The following PGAM1 variants were observed in gnomAD, a reference collection of about 807,000 sequenced individuals.
The protein encoded by PGAM1 is BPG-dependent PGAM 1.
PGAM1 carries 21 observed loss-of-function variants against 23.5 expected under a neutral mutation model. The ratio of observed to expected loss-of-function variants is 0.89; its 90% CI spans 0.63 to 1.29. PGAM1 has a LOEUF of 1.29. Ranked by LOEUF, PGAM1 falls within the 50% of genes most tolerant of loss-of-function variation. PGAM1 has a pLI of 0.00. For missense variants in PGAM1, 232 were observed against 336.3 expected (o/e 0.69, Z 2.42); for synonymous variants, 109 against 128.6 (o/e 0.85, Z 1.03).
chr10:97,426,756 G>A (rs987722053), intron 1 of PGAM1, among the ~76,000 whole-genome samples: 1 of 152,362 alleles, frequency 6.6e-6, no homozygotes, highest in Middle Eastern at 3.4e-3. Flanking sequence ...GGGACAGGCC[G>A]GGCGTGGTGG....
At position 97,432,569 on chromosome 10, in the gene PGAM1, C is replaced by T. The variant is rs781091486; in HGVS notation, c.*45C>T. ...TGTCCCCAGGAGCACCCTCCCTGCC[C>T]GTCTTGTCCCTCTGCCCCTCCCACC... On this transcript the variant is annotated 3_prime_UTR_variant, in exon 4 of 4. Coordinates refer to ENST00000334828, the MANE Select transcript of PGAM1 (RefSeq NM_002629.4). 3.7e-5 allele frequency: 41 copies of T among 1,110,828 alleles called. No individual in the cohort carries two copies. Among genetic ancestry groups the T allele is most frequent in the South Asian group, 1.9e-4 (15 of 76,944 alleles). 68.8% of individuals were successfully genotyped at this position (1,110,828 alleles called of 1,614,324 possible).
At chr10:97,432,334 G>T in intron 3 of PGAM1, 21 bp from the exon 4 acceptor site, 1 of 1,612,094 alleles carries the variant, frequency 6.2e-7, no homozygotes. Context: ...TTGTGTGGCT[G>T]ATGATGGTGG....
chr10:97,426,473 G>A (rs967129646), intron 1 of PGAM1, 27 bp downstream of exon 1: 2 of 1,557,336 alleles, frequency 1.3e-6, no homozygotes, highest in East Asian at 2.4e-5. Context: ...TGTGGGCTGC[G>A]AAGGGCCGGG....
At chr10:97,427,711 C>T in intron 1 of PGAM1, 1 of 1,242,788 alleles carries the variant, frequency 8.0e-7, no homozygotes, top group Non-Finnish European at 1.0e-6. Flanking sequence ...GGAAGCATTC[C>T]CTGCTGCCGG....
At chr10:97,427,819 T>C (rs1435760174) in intron 1 of PGAM1, 2 of 1,289,304 alleles carry the variant, frequency 1.6e-6, no homozygotes, top group Non-Finnish European at 2.0e-6. Flanking sequence ...GAAGCAGCCA[T>C]TCACAAGGGT....
At chr10:97,430,043 CA>C (rs71814636) in intron 1 of PGAM1, among the ~76,000 whole-genome samples, 4,820 of 69,768 alleles carry the variant, frequency 0.069, 83 homozygotes, top group African/African-American at 0.14. Flanking sequence ...GACTCCGTCT[CA>C]AAAAAAAAAA....
At chr10:97,430,242 C>A in intron 1 of PGAM1, 137 bp from the exon 2 acceptor site, 1 of 1,068,874 alleles carries the variant, frequency 9.4e-7, no homozygotes, top group Non-Finnish European at 1.4e-6. Context: ...CAAGGATAAA[C>A]AAAACAGTTG....
chr10:97,428,150 G>A (rs1379099294), intron 1 of PGAM1, among the ~76,000 whole-genome samples: 6 of 152,086 alleles, frequency 3.9e-5, no homozygotes, highest in African/African-American at 1.4e-4. Flanking sequence ...TAATCAAATA[G>A]TTAAACTTGT....
At chr10:97,426,576 A>C (rs1217955371) in intron 1 of PGAM1, 130 bp downstream of exon 1, 43 of 1,208,590 alleles carry the variant, frequency 3.6e-5, no homozygotes, top group Non-Finnish European at 4.8e-5. Context: ...TTTAGTGTGT[A>C]GTTGAGAAGA....
chr10:97,432,247 C>G, intron 3 of PGAM1, 108 bp from the exon 4 acceptor site: 1 of 1,445,502 alleles, frequency 6.9e-7, no homozygotes, highest in Non-Finnish European at 9.7e-7. Context: ...GAAAGGGTGT[C>G]TTATTTTAAT....
In PGAM1 at chr10:97,430,975, C is replaced by T; in HGVS notation, c.435C>T (p.Leu145=). ...NISKDRRYAD[L]TEDQLPSCES... ...CTTAGGATCGCAGGTATGCAGACCT[C>T]ACAGAAGATCAGCTACCCTCCTGTG... Residue 145 remains leucine (L), a synonymous_variant, in exon 3 of 4, where the codon CTC becomes CTT. Coordinates refer to ENST00000334828, the MANE Select transcript of PGAM1 (RefSeq NM_002629.4). 1 of 1,613,920 alleles carries T rather than the reference C, an allele frequency of 6.2e-7. No homozygotes were observed. Among genetic ancestry groups the T allele is most frequent in the Non-Finnish European group, 8.5e-7 (1 of 1,179,874 alleles).
At position 97,426,275 on chromosome 10, in the gene PGAM1, T is replaced by G. The variant is rs753508907; in HGVS notation, c.-33T>G. 1.9e-6 allele frequency: 3 copies of G among 1,609,820 alleles called. No homozygotes were observed. Among genetic ancestry groups the G allele is most frequent in the East Asian group, 2.2e-5 (1 of 44,810 alleles). On this transcript the variant is annotated 5_prime_UTR_variant, in exon 1 of 4. Coordinates refer to ENST00000334828, the MANE Select transcript of PGAM1 (RefSeq NM_002629.4). ...GGGCTGCTACTCCGGAATCTGCTAA[T>G]CCCAGTCGGTGCCGCATCCCCAGCC...
intron 1 of PGAM1, 33 bp from the exon 2 acceptor site, chr10:97,430,346 G>A: frequency 6.2e-7 from 1 of 1,611,610 alleles, no homozygotes; most frequent in South Asian, 1.1e-5. Context: ...AGTAGACCTG[G>A]TTAGCTTATC....
chr10:97,429,442 A>T (rs1055883306), intron 1 of PGAM1, among the ~76,000 whole-genome samples: 1 of 152,302 alleles, frequency 6.6e-6, no homozygotes, highest in African/African-American at 2.4e-5. Flanking sequence ...GGGCCAACAT[A>T]ACTCTTGCCA....
intron 1 of PGAM1, chr10:97,427,928 G>A: frequency 7.8e-7 from 1 of 1,289,082 alleles, no homozygotes; most frequent in Non-Finnish European, 1.0e-6. Context: ...AGGACAGTCT[G>A]GTAAATGTAA....
chr10:97,428,826 CCTCA>C (rs1354332762), intron 1 of PGAM1, among the ~76,000 whole-genome samples: 3 of 152,086 alleles, frequency 2.0e-5, no homozygotes, highest in Non-Finnish European at 4.4e-5. Context: ...TCTCCCCAGC[CCTCA>C]CTCAGTAAGA....
At chr10:97,428,231 G>A (rs1306793714) in intron 1 of PGAM1, among the ~76,000 whole-genome samples, 2 of 152,184 alleles carry the variant, frequency 1.3e-5, no homozygotes, top group African/African-American at 4.8e-5. Context: ...AAATTTAACA[G>A]TATAGAAAAT....
chr10:97,427,499 G>T (rs1036723072), intron 1 of PGAM1: 3 of 1,026,478 alleles, frequency 2.9e-6, no homozygotes, highest in Non-Finnish European at 3.5e-6. Flanking sequence ...TATTTGGAAA[G>T]ATGACTTGTC....
intron 1 of PGAM1, chr10:97,427,527 C>T: frequency 9.2e-7 from 1 of 1,085,518 alleles, no homozygotes; most frequent in Non-Finnish European, 1.1e-6. Context: ...ATATCTGATT[C>T]CTAGTCCAGT....
Sources: allele counts gnomAD v4.1 joint callset (sites outside exome capture counted in the v4.1 genomes callset), GRCh38; gene constraint gnomAD v4.1.1; transcripts MANE v1.5; gene names NCBI Gene and HGNC (gene_info 2026-07-23, HGNC 2026-07-21).